Variants in SLC5A9 observed in about 807,000 individuals in gnomAD.
The protein encoded by SLC5A9 is solute carrier family 5 member 9.
Under a neutral mutation model 70.9 loss-of-function variants are expected in SLC5A9, and 59 were observed. The ratio of observed to expected loss-of-function variants is 0.83; its 90% CI spans 0.68 to 1.03. SLC5A9 has a LOEUF of 1.03. SLC5A9 is among the 50% of genes least tolerant of loss of function. The pLI, the probability that SLC5A9 is intolerant of heterozygous loss-of-function variation, is 0.00. For missense variants in SLC5A9, 832 were observed against 881.1 expected, an observed-to-expected ratio of 0.94 and a Z score of 0.71; for synonymous variants, 340 against 346.5, an observed-to-expected ratio of 0.98 and a Z score of 0.21.
At chr1:48,247,303 C>A in intron 13 of SLC5A9, 32 bp from the exon 14 acceptor site, 1 of 1,603,450 alleles carries the variant, frequency 6.2e-7, no homozygotes, top group Middle Eastern at 1.7e-4. Flanking sequence ...TCCCCTCCTG[C>A]TCTCCTTTGT....
At chr1:48,246,052 C>A (rs1569874673) in intron 13 of SLC5A9, among the ~76,000 whole-genome samples, 1 of 151,046 alleles carries the variant, frequency 6.6e-6, no homozygotes, top group Non-Finnish European at 1.5e-5. Flanking sequence ...TATGTACATC[C>A]CAGTTTTTAG....
chr1:48,230,838 G>A, intron 5 of SLC5A9, 133 bp downstream of exon 5: 1 of 674,100 alleles, frequency 1.5e-6, no homozygotes, highest in South Asian at 1.8e-5. Context: ...AGAAACAGGA[G>A]AGGCAGAGAC....
chr1:48,234,829 C>A (rs934264445), intron 9 of SLC5A9, among the ~76,000 whole-genome samples: 1 of 151,974 alleles, frequency 6.6e-6, no homozygotes, highest in African/African-American at 2.4e-5. Flanking sequence ...GGGAGGGGAG[C>A]AGAGCAAGGG....
intron 10 of SLC5A9, among the ~76,000 whole-genome samples, chr1:48,236,221 C>G (rs1644325084): frequency 6.6e-6 from 1 of 152,224 alleles, no homozygotes; most frequent in South Asian, 2.1e-4. Flanking sequence ...CCAACCAACT[C>G]CGGATGTTAA....
Position 48,239,253 on chromosome 1 carries a change from G to A in SLC5A9, c.1462-69G>A, listed in dbSNP as rs1644364701. On this transcript the variant is annotated intron_variant, in intron 11 of 13. Coordinates refer to ENST00000438567, the MANE Select transcript of SLC5A9 (RefSeq NM_001011547.3). The surrounding 1 kb of genome is among the most constrained non-coding windows in gnomAD (Gnocchi z 4.2). Reference sequence around the variant, plus strand: ...CCAGTGGGAGAGAGATTTGGGGAGAGAGTAGTTTTACCTTCCTAGGGTCTC... The same window carrying A: ...CCAGTGGGAGAGAGATTTGGGGAGAAAGTAGTTTTACCTTCCTAGGGTCTC... 2.7e-6 allele frequency: 3 copies of A among 1,110,060 alleles called. No individual in the cohort carries two copies. Among genetic ancestry groups the A allele is most frequent in the Non-Finnish European group, 4.0e-6 (3 of 758,686 alleles). 68.8% of individuals were successfully genotyped at this position (1,110,060 alleles called of 1,614,324 possible).
chr1:48,245,806 C>A (rs1029068690), intron 13 of SLC5A9, among the ~76,000 whole-genome samples: 2 of 151,624 alleles, frequency 1.3e-5, no homozygotes, highest in Admixed American at 1.3e-4. Context: ...ACAAAAAATA[C>A]AAAAATTAGC....
chr1:48,245,773 C>A (rs1458918583), intron 13 of SLC5A9, among the ~76,000 whole-genome samples: 1 of 152,080 alleles, frequency 6.6e-6, no homozygotes, highest in African/African-American at 2.4e-5. Flanking sequence ...CCAGCCTGGG[C>A]AACATGGCAA....
rs1045974161 is a variant in SLC5A9 at position 48,228,923 on chromosome 1, G to A, written c.308G>A (p.Gly103Glu). Residue 103 changes from glycine to glutamate, a missense_variant, in exon 3 of 14, where the codon GGA becomes GAA. Coordinates refer to ENST00000438567, the MANE Select transcript of SLC5A9 (RefSeq NM_001011547.3). ...FIGLAGTGAA[G>E]GLAVGGFEWN... Reference sequence around the variant, plus strand: ...GGCCTGGCTGGGACAGGGGCTGCCGGAGGCCTTGCCGTAGGTGGCTTCGAG... The same window carrying A: ...GGCCTGGCTGGGACAGGGGCTGCCGAAGGCCTTGCCGTAGGTGGCTTCGAG... 6.2e-7 allele frequency: 1 copy of A among 1,613,522 alleles called. No individual in the cohort carries two copies.
At chr1:48,225,605 C>A (rs77897602) in intron 2 of SLC5A9, among the ~76,000 whole-genome samples, 1 of 151,932 alleles carries the variant, frequency 6.6e-6, no homozygotes, top group African/African-American at 2.4e-5. Flanking sequence ...AACTCACACA[C>A]GGCATGTGTG....
rs756117312 is a variant in SLC5A9 at position 48,244,878 on chromosome 1, GTATATATATATATATA to G, written c.1837+2279_1837+2294del. 2.0e-4 allele frequency among the ~76,000 whole-genome samples: 6 copies of G among 29,418 alleles called. 2 individuals are homozygous for G. In the South Asian group the frequency reaches 4.7e-3, roughly 23 times the overall value. 19.3% of individuals were successfully genotyped at this position (29,418 alleles called of 152,430 possible). Reference sequence around the variant, plus strand: ...TGTGTGTGTGTATGTATGTGTATGTGTATATATATATATATATATATATATATATATAAAACCTCTG... The same window carrying G: ...TGTGTGTGTGTATGTATGTGTATGTGTATATATATATATATAAAACCTCTG... On this transcript the variant is annotated intron_variant, in intron 13 of 13. Coordinates refer to ENST00000438567, the MANE Select transcript of SLC5A9 (RefSeq NM_001011547.3).
Position 48,230,787 on chromosome 1 carries a change from G to A in SLC5A9, c.610+82G>A, listed in dbSNP as rs1644237562. 8 of 1,008,610 alleles carry A rather than the reference G, an allele frequency of 7.9e-6. No individual in the cohort carries two copies. The South Asian group carries it at 8.3e-5, about 10-fold the overall frequency. 62.5% of individuals were successfully genotyped at this position (1,008,610 alleles called of 1,614,324 possible). On this transcript the variant is annotated intron_variant, in intron 5 of 13. Coordinates refer to ENST00000438567, the MANE Select transcript of SLC5A9 (RefSeq NM_001011547.3). ...AAAGACTGAAGGAGAGACAACCAGA[G>A]AGAGAGACAGAGTGACAGAAAGCTG...
At position 48,227,624 on chromosome 1, in the gene SLC5A9, TGA is replaced by T. The variant is rs202138879; in HGVS notation, c.235-1222_235-1221del. Among the ~76,000 whole-genome samples the T allele has an allele frequency of 4.3e-3, 648 of 150,504 alleles. 8 individuals carry two copies. The highest frequency in any genetic ancestry group is 0.015 in the African/African-American group (610 of 41,002). On this transcript the variant is annotated intron_variant, in intron 2 of 13. Transcript: ENST00000438567. ...GTGATTGCATCTGTGTGTGCATGTG[TGA>T]GAGTGTGTGTGTACTGTGCCTGTGT...
Position 48,237,744 on chromosome 1 carries a change from G to C in SLC5A9, c.1358G>C (p.Ser453Thr). The C allele has an allele frequency of 6.2e-7, 1 of 1,614,112 alleles. No individual in the cohort carries two copies. The highest frequency in any genetic ancestry group is 1.1e-5 in the South Asian group (1 of 91,080). Residue 453 changes from serine (S) to threonine (T), a missense_variant, in exon 11 of 14, where the codon AGT becomes ACT. Transcript: ENST00000438567. ...LWIPIIQSSN[S>T]GQLFDYIQAV... ...ATCCCCATCATCCAAAGCTCCAACAGTGGGCAGCTCTTCGACTACATCCAG... is the reference window on the plus strand; with the variant it reads ...ATCCCCATCATCCAAAGCTCCAACACTGGGCAGCTCTTCGACTACATCCAG...
At chr1:48,244,504 A>C (rs1421389101) in intron 13 of SLC5A9, among the ~76,000 whole-genome samples, 1 of 151,848 alleles carries the variant, frequency 6.6e-6, no homozygotes, top group Non-Finnish European at 1.5e-5. Context: ...CCAAGGTCTA[A>C]GGCTCAAAGC....
chr1:48,231,986 G>A lies in SLC5A9; in HGVS notation c.732G>A (p.Arg244=), dbSNP rs749543125. The A allele has an allele frequency of 1.2e-6, 2 of 1,614,144 alleles. No homozygotes were observed. Among genetic ancestry groups the A allele is most frequent in the South Asian group, 1.1e-5 (1 of 91,082 alleles). The change falls in exon 7 of 14, where the codon CGG becomes CGA. Residue 244 remains arginine (R), a synonymous_variant. Transcript: ENST00000438567. ...DVGWYPGLEQ[R]YRQAIPNVTV... Reference sequence around the variant, plus strand: ...GCTGGTACCCAGGCCTGGAGCAGCGGTACAGGCAGGCCATCCCTAATGTCA... The same window carrying A: ...GCTGGTACCCAGGCCTGGAGCAGCGATACAGGCAGGCCATCCCTAATGTCA...
At chr1:48,229,655 A>G in intron 4 of SLC5A9, 196 bp downstream of exon 4, 1 of 725,530 alleles carries the variant, frequency 1.4e-6, no homozygotes, top group South Asian at 2.2e-5. Flanking sequence ...ATGTTTTTGG[A>G]GTGAATGACA....
Position 48,235,886 on chromosome 1 carries a change from C to G in SLC5A9, c.1292+7C>G. ...AGCTGATGGTGGTGGGCAGGTGCGC[C>G]GGCCCCTCCTTCCCTCCTTCCGAAG... On this transcript the variant is annotated splice_region_variant and intron_variant, in intron 10 of 13. Coordinates refer to ENST00000438567, the MANE Select transcript of SLC5A9 (RefSeq NM_001011547.3). The G allele has an allele frequency of 1.2e-6, 2 of 1,614,056 alleles. No homozygotes were observed. Among genetic ancestry groups the G allele is most frequent in the Non-Finnish European group, 1.7e-6 (2 of 1,179,994 alleles).
intron 4 of SLC5A9, among the ~76,000 whole-genome samples, chr1:48,230,243 G>A (rs1378524665): frequency 1.3e-5 from 2 of 152,146 alleles, no homozygotes; most frequent in Admixed American, 6.5e-5. Flanking sequence ...GCAACTCTCC[G>A]GTTCTTCCTC....
chr1:48,235,713 C>T lies in SLC5A9; in HGVS notation c.1142-16C>T, dbSNP rs1335154195. The stretch of plus-strand genomic sequence containing the variant: ...TTAATGGGCCAGCCGTTCACATGAG[C>T]CTCGTCTCTCCCCAGGTCTGCGGGG... On this transcript the variant is annotated splice_polypyrimidine_tract_variant and intron_variant, in intron 9 of 13. Coordinates refer to ENST00000438567, the MANE Select transcript of SLC5A9 (RefSeq NM_001011547.3). 6.2e-7 allele frequency: 1 copy of T among 1,614,046 alleles called. No individual in the cohort carries two copies.
Sources: allele counts gnomAD v4.1 joint callset (sites outside exome capture counted in the v4.1 genomes callset), GRCh38; gene constraint gnomAD v4.1.1; non-coding constraint Gnocchi (gnomAD v3.1); transcripts MANE v1.5; gene names NCBI Gene and HGNC (gene_info 2026-07-23, HGNC 2026-07-21).